Variants in GLRB observed in about 807,000 individuals in gnomAD.
GLRB encodes glycine receptor beta, also known as glycine receptor subunit beta.
In GLRB, 33 loss-of-function variants were observed where a neutral mutation model predicts 54.2. The observed-to-expected ratio is 0.61, with a 90% CI of 0.46 to 0.81. The LOEUF (loss-of-function observed/expected upper bound fraction) is 0.81. Ranked by LOEUF, GLRB falls within the 40% of genes least tolerant of loss-of-function variation. GLRB has a pLI of 0.00. For missense variants in GLRB, 572 were observed against 584.6 expected, an observed-to-expected ratio of 0.98 and a Z score of 0.22; for synonymous variants, 209 against 208.2, an observed-to-expected ratio of 1.00 and a Z score of -0.03.
intron 2 of GLRB, among the ~76,000 whole-genome samples, chr4:157,095,364 G>A (rs553961084): frequency 6.6e-6 from 1 of 151,822 alleles, no homozygotes; most frequent in East Asian, 1.9e-4. Context: ...TACAGGAAGA[G>A]TAGATAGGAA....
rs1737916794 is a variant in GLRB at position 157,171,371 on chromosome 4, T to C, written c.*643T>C. 1 of 152,394 alleles carries C rather than the reference T, an allele frequency of 6.6e-6. No homozygotes were observed. Among genetic ancestry groups the C allele is most frequent in the Non-Finnish European group, 1.5e-5 (1 of 67,858 alleles). The allele number at this position is 152,394 out of a possible 1,614,324, so 9.4% of individuals were successfully genotyped here. Reference sequence around the variant, plus strand: ...GCATTTTTAAACAAAGGGAAACCTATATTTATGTAACTGTATACTGAATTC... The same window carrying C: ...GCATTTTTAAACAAAGGGAAACCTACATTTATGTAACTGTATACTGAATTC... On this transcript the variant is annotated 3_prime_UTR_variant, in exon 10 of 10. Coordinates refer to ENST00000264428, the MANE Select transcript of GLRB (RefSeq NM_000824.5).
rs1467472780 is a variant in GLRB at position 157,144,978 on chromosome 4, A to G, written c.904+1019A>G. On this transcript the variant is annotated intron_variant, in intron 8 of 9. Coordinates refer to ENST00000264428, the MANE Select transcript of GLRB (RefSeq NM_000824.5). Reference sequence around the variant, plus strand: ...AGAAATTTCATCATGGATAAAAACTATGTATTATTACATGTATTATATTTA... The same window carrying G: ...AGAAATTTCATCATGGATAAAAACTGTGTATTATTACATGTATTATATTTA... Among the ~76,000 whole-genome samples, 5 of 152,354 alleles carry G rather than the reference A, an allele frequency of 3.3e-5. No homozygotes were observed. The South Asian group carries it at 8.3e-4, about 25-fold the overall frequency.
chr4:157,118,584 T>G (rs2126525254), intron 2 of GLRB, among the ~76,000 whole-genome samples: 1 of 151,730 alleles, frequency 6.6e-6, no homozygotes, highest in African/African-American at 2.4e-5. Flanking sequence ...TCTAACTGAT[T>G]GATTTTCATC....
intron 4 of GLRB, among the ~76,000 whole-genome samples, chr4:157,131,523 AT>A (rs944511472): frequency 2.9e-4 from 44 of 151,868 alleles, no homozygotes; most frequent in Middle Eastern, 3.4e-3. Flanking sequence ...TATATTCACC[AT>A]TATAGTATCA....
In GLRB at chr4:157,154,356, G is replaced by A. The variant is rs540847976; in HGVS notation, c.1197+1346G>A. On this transcript the variant is annotated intron_variant, in intron 9 of 9. Transcript: ENST00000264428. ...TTAACGTAATTATTGATATAGTAAG[G>A]TTTTCTCTATGTTTTATTTTTCTTT... is the stretch of plus-strand genomic sequence containing the variant. Among the ~76,000 whole-genome samples the A allele has an allele frequency of 2.7e-5, 4 of 148,986 alleles. No individual in the cohort carries two copies. In the South Asian group the frequency reaches 8.5e-4, roughly 32 times the overall value.
intron 2 of GLRB, among the ~76,000 whole-genome samples, chr4:157,118,917 T>TTGTCA (rs953473708): frequency 9.2e-5 from 14 of 151,594 alleles, no homozygotes; most frequent in African/African-American, 3.4e-4. Context: ...TTCCTTGTGA[T>TTGTCA]TGTCATGGAT....
chr4:157,110,347 C>CT (rs1280256347), intron 2 of GLRB, among the ~76,000 whole-genome samples: 1 of 151,584 alleles, frequency 6.6e-6, no homozygotes, highest in Non-Finnish European at 1.5e-5. Context: ...TTTGTTTTTT[C>CT]TTTTTTTGCT....
At chr4:157,108,443 T>C (rs976346998) in intron 2 of GLRB, among the ~76,000 whole-genome samples, 1 of 151,652 alleles carries the variant, frequency 6.6e-6, no homozygotes, top group Non-Finnish European at 1.5e-5. Flanking sequence ...TGATTATAAC[T>C]TTTTTGGATG....
intron 2 of GLRB, among the ~76,000 whole-genome samples, chr4:157,111,209 C>T (rs2126507175): frequency 6.6e-6 from 1 of 152,126 alleles, no homozygotes; most frequent in East Asian, 1.9e-4. Context: ...TTCAAGTGTT[C>T]TCAGGGAGAA....
In GLRB at chr4:157,153,015, G is replaced by T. The variant is rs779269211; in HGVS notation, c.1197+5G>T. The T allele has an allele frequency of 2.5e-6, 4 of 1,610,060 alleles. No individual in the cohort carries two copies. The highest frequency in any genetic ancestry group is 3.4e-6 in the Non-Finnish European group (4 of 1,176,578). ...GTTCATATTAGCACTTTGCAGGTAA[G>T]GATAAAATTATGCCATGAAATCATT... On this transcript the variant is annotated splice_donor_5th_base_variant and intron_variant, in intron 9 of 9. Coordinates refer to ENST00000264428, the MANE Select transcript of GLRB (RefSeq NM_000824.5).
At chr4:157,087,393 A>G (rs1355440383) in intron 2 of GLRB, among the ~76,000 whole-genome samples, 1 of 152,070 alleles carries the variant, frequency 6.6e-6, no homozygotes, top group Non-Finnish European at 1.5e-5. Context: ...CAGTTTTCTC[A>G]TTTGTATAGT....
intron 8 of GLRB, among the ~76,000 whole-genome samples, chr4:157,150,830 A>G (rs1322749334): frequency 6.6e-6 from 1 of 151,836 alleles, no homozygotes; most frequent in Non-Finnish European, 1.5e-5. Flanking sequence ...TTTTTTTCAC[A>G]TCTGTCCTAT....
chr4:157,161,567 T>G (rs1160661326), intron 9 of GLRB, among the ~76,000 whole-genome samples: 1 of 152,170 alleles, frequency 6.6e-6, no homozygotes, highest in African/African-American at 2.4e-5. Context: ...CTGTAAAGGA[T>G]TTTATTTCTC....
At chr4:157,090,611 T>C (rs962225557) in intron 2 of GLRB, among the ~76,000 whole-genome samples, 11 of 152,348 alleles carry the variant, frequency 7.2e-5, no homozygotes, top group African/African-American at 2.6e-4. Flanking sequence ...ATGTGAAATC[T>C]GAAATCAGAT....
intron 9 of GLRB, among the ~76,000 whole-genome samples, chr4:157,161,031 A>G (rs1737465358): frequency 6.6e-6 from 1 of 152,182 alleles, no homozygotes; most frequent in Non-Finnish European, 1.5e-5. Context: ...TCGGGTGCCT[A>G]TATATTCAGG....
intron 2 of GLRB, among the ~76,000 whole-genome samples, chr4:157,086,716 T>C (rs1734426184): frequency 6.6e-6 from 1 of 152,182 alleles, no homozygotes; most frequent in Non-Finnish European, 1.5e-5. Flanking sequence ...AAGGAAAATA[T>C]AGAACTGTCA....
chr4:157,129,596 T>C (rs779804039), intron 4 of GLRB, among the ~76,000 whole-genome samples: 5 of 151,770 alleles, frequency 3.3e-5, no homozygotes, highest in Non-Finnish European at 7.4e-5. Context: ...AAAAGAATCT[T>C]TGAAGCACTT....
intron 1 of GLRB, among the ~76,000 whole-genome samples, chr4:157,077,156 G>A (rs1734069435): frequency 6.6e-6 from 1 of 152,104 alleles, no homozygotes; most frequent in South Asian, 2.1e-4. Context: ...TCTAGTGTAG[G>A]TAGAGGCTTA....
intron 7 of GLRB, among the ~76,000 whole-genome samples, chr4:157,142,755 T>A (rs535242621): frequency 2.4e-4 from 37 of 152,248 alleles, no homozygotes; most frequent in African/African-American, 7.9e-4. Flanking sequence ...TTCACCATTT[T>A]AAAAAAATTA....
Sources: allele counts gnomAD v4.1 joint callset (sites outside exome capture counted in the v4.1 genomes callset), GRCh38; gene constraint gnomAD v4.1.1; transcripts MANE v1.5; gene names NCBI Gene and HGNC (gene_info 2026-07-23, HGNC 2026-07-21).